Variants in SIPA1L1 observed in about 807,000 individuals in gnomAD.
SIPA1L1 encodes signal-induced proliferation-associated 1-like protein 1.
In SIPA1L1, 26 loss-of-function variants were observed where a neutral mutation model predicts 162.7. The ratio of observed to expected loss-of-function variants is 0.16; its 90% confidence interval spans 0.12 to 0.22. The LOEUF (loss-of-function observed/expected upper bound fraction) is 0.22. Ranked by LOEUF, SIPA1L1 falls within the 10% of genes least tolerant of loss-of-function variation. The pLI is 1.00. For missense variants in SIPA1L1, 1,874 were observed against 2,241.0 expected (o/e 0.84, Z 3.31); for synonymous variants, 829 against 837.4 (o/e 0.99, Z 0.17).
At chr14:71,468,003 GGGGT>G (rs2047145966) in intron 2 of SIPA1L1, among the ~76,000 whole-genome samples, 1 of 127,634 alleles carries the variant, frequency 7.8e-6, no homozygotes, top group East Asian at 2.4e-4. Context: ...AGCAGTTAGA[GGGGT>G]GTGTGTGTGT....
At chr14:71,598,405 C>G (rs566142741) in intron 5 of SIPA1L1, 2 of 175,572 alleles carry the variant, frequency 1.1e-5, no homozygotes, top group Non-Finnish European at 2.2e-5. Context: ...CTGGCAGACA[C>G]AGCCTTACCT....
chr14:71,588,908 G>A lies in SIPA1L1; in HGVS notation c.1036G>A (p.Ala346Thr). ...GAGTATATTATTTGATTTGAATGAG[G>A]CAATTATGAACAGGCACAATGTTAT... ...VQSILFDLNE[A>T]IMNRHNVIKR... is the part of the protein sequence containing the mutation. Residue 346 changes from alanine to threonine, a missense_variant, in exon 5 of 24, where the codon GCA becomes ACA. Ala to Thr is a moderately conservative substitution (Grantham distance 58, BLOSUM62 0). Transcript: ENST00000381232. This position sits in a 1 kb window ranked among gnomAD's most constrained non-coding sequence, Gnocchi z 4.3. The A allele has an allele frequency of 6.2e-7, 1 of 1,614,038 alleles. No individual in the cohort carries two copies. The highest frequency in any genetic ancestry group is 2.2e-5 in the East Asian group (1 of 44,866).
chr14:71,348,109 T>A (rs972628922), intron 2 of SIPA1L1, among the ~76,000 whole-genome samples: 2 of 152,110 alleles, frequency 1.3e-5, no homozygotes, highest in Non-Finnish European at 2.9e-5. Flanking sequence ...TTTAAAAAAA[T>A]TTTTGGAAGT....
At chr14:71,469,646 G>T (rs1039685253) in intron 2 of SIPA1L1, among the ~76,000 whole-genome samples, 1 of 152,170 alleles carries the variant, frequency 6.6e-6, no homozygotes, top group East Asian at 1.9e-4. Context: ...TTTGATGCAG[G>T]TCTGGACTTT....
chr14:71,421,925 C>T (rs1393425657), intron 2 of SIPA1L1, among the ~76,000 whole-genome samples: 1 of 152,164 alleles, frequency 6.6e-6, no homozygotes, highest in Admixed American at 6.5e-5. Flanking sequence ...AAGAAGGGGA[C>T]TCATAATTAT....
chr14:71,707,376 A>G (rs185473576), intron 16 of SIPA1L1, among the ~76,000 whole-genome samples: 2 of 152,328 alleles, frequency 1.3e-5, no homozygotes, highest in African/African-American at 4.8e-5. Flanking sequence ...CATTTAAAAT[A>G]TACAATTGAG....
At chr14:71,573,847 A>G in intron 4 of SIPA1L1, 3 of 383,146 alleles carry the variant, frequency 7.8e-6, no homozygotes, top group South Asian at 5.8e-5. Flanking sequence ...TTTGATTTGT[A>G]TGCCTTTGAT....
intron 2 of SIPA1L1, among the ~76,000 whole-genome samples, chr14:71,369,790 A>G (rs1421669328): frequency 2.7e-5 from 4 of 149,240 alleles, no homozygotes; most frequent in African/African-American, 7.4e-5. Flanking sequence ...CTTCCTATCC[A>G]TGAGCATGGA....
At chr14:71,680,425 C>T (rs2045686554) in intron 12 of SIPA1L1, among the ~76,000 whole-genome samples, 1 of 152,168 alleles carries the variant, frequency 6.6e-6, no homozygotes, top group Non-Finnish European at 1.5e-5. Context: ...ACATTTAAAG[C>T]GGTGTGTAGA....
chr14:71,413,594 C>T (rs576344099), intron 2 of SIPA1L1, among the ~76,000 whole-genome samples: 12 of 152,128 alleles, frequency 7.9e-5, no homozygotes, highest in Admixed American at 3.9e-4. Flanking sequence ...AAAAATTAGC[C>T]GGTGTGGTGG....
At chr14:71,569,519 C>A (rs1263916917) in intron 4 of SIPA1L1, among the ~76,000 whole-genome samples, 1 of 152,204 alleles carries the variant, frequency 6.6e-6, no homozygotes, top group Non-Finnish European at 1.5e-5. Flanking sequence ...CATTCTTCTT[C>A]AGAGACACTG....
At chr14:71,596,481 A>G (rs1200466570) in intron 5 of SIPA1L1, among the ~76,000 whole-genome samples, 7 of 152,174 alleles carry the variant, frequency 4.6e-5, no homozygotes, top group African/African-American at 1.7e-4. Flanking sequence ...AACATACAAA[A>G]ATGTATTATC....
At chr14:71,374,626 A>G (rs924037650) in intron 2 of SIPA1L1, among the ~76,000 whole-genome samples, 2 of 151,568 alleles carry the variant, frequency 1.3e-5, no homozygotes, top group Admixed American at 6.6e-5. Flanking sequence ...TAGTAATACA[A>G]GGCTTGGAAA....
intron 2 of SIPA1L1, among the ~76,000 whole-genome samples, chr14:71,502,955 A>C (rs1251248361): frequency 6.6e-6 from 1 of 152,208 alleles, no homozygotes; most frequent in African/African-American, 2.4e-5. Context: ...AAGACTTAGT[A>C]ATAAAATTCC....
chr14:71,609,588 T>C (rs1324194192), intron 5 of SIPA1L1, among the ~76,000 whole-genome samples: 1 of 152,038 alleles, frequency 6.6e-6, no homozygotes, highest in Non-Finnish European at 1.5e-5. Flanking sequence ...TGCCTCAGCC[T>C]CTCAAGTAGC....
intron 12 of SIPA1L1, among the ~76,000 whole-genome samples, chr14:71,674,729 T>C (rs2044936992): frequency 6.6e-6 from 1 of 151,428 alleles, no homozygotes; most frequent in Non-Finnish European, 1.5e-5. Flanking sequence ...TACGCCCGGC[T>C]AATTTTTTGT....
intron 12 of SIPA1L1, among the ~76,000 whole-genome samples, chr14:71,680,224 GTC>G (rs1361574028): frequency 2.0e-5 from 3 of 152,164 alleles, no homozygotes; most frequent in Non-Finnish European, 4.4e-5. Flanking sequence ...GTGACAAACT[GTC>G]TCTCAGACCA....
Position 71,727,372 on chromosome 14 carries a change from CA to C in SIPA1L1, c.4614+2539del, listed in dbSNP as rs1234847082. 1.5e-4 allele frequency among the ~76,000 whole-genome samples: 22 copies of C among 151,672 alleles called. No homozygotes were observed. The East Asian group carries it at 4.1e-3, about 28-fold the overall frequency. On this transcript the variant is annotated intron_variant, in intron 19 of 23. Coordinates refer to ENST00000381232, the MANE Select transcript of SIPA1L1 (RefSeq NM_001386936.1). ...CGCCACCTCTCCAGGCCCCATTCCT[CA>C]ACTGTGAGATAGAGGACCAGAGGAG...
At chr14:71,666,686 TGAAAG>T (rs2044034480) in intron 10 of SIPA1L1, among the ~76,000 whole-genome samples, 1 of 152,024 alleles carries the variant, frequency 6.6e-6, no homozygotes, top group African/African-American at 2.4e-5. Flanking sequence ...TAATAACTGT[TGAAAG>T]GAATCTGTAT....
Sources: gnomAD v4.1 joint callset for allele counts (sites outside exome capture counted in the v4.1 genomes callset) on GRCh38, gnomAD v4.1.1 for gene constraint, Gnocchi (gnomAD v3.1) non-coding constraint, MANE v1.5 for transcripts, NCBI Gene and HGNC (gene_info 2026-07-23, HGNC 2026-07-21) for gene names.